OTOGL: variants seen among roughly 807,000 people sequenced by gnomAD.
The protein encoded by OTOGL is otogelin-like protein.
A neutral mutation model predicts 318.5 loss-of-function variants in OTOGL; 285 were observed. The observed-to-expected ratio is 0.89, with a 90% CI of 0.81 to 0.99. The LOEUF (loss-of-function observed/expected upper bound fraction) is 0.99. Ranked by LOEUF, OTOGL falls within the 50% of genes least tolerant of loss-of-function variation. The pLI is 0.00. For synonymous variants in OTOGL, 987 were observed against 936.5 expected (o/e 1.05, Z -0.99); for missense variants, 2,899 against 2,845.6 (o/e 1.02, Z -0.43).
At chr12:80,354,377 C>T (rs1020228185) in intron 46 of OTOGL, among the ~76,000 whole-genome samples, 2 of 152,166 alleles carry the variant, frequency 1.3e-5, no homozygotes, top group Non-Finnish European at 2.9e-5. Flanking sequence ...ATTAAATGAA[C>T]CTCTTTTCTT....
rs1424532676 is a variant in OTOGL at position 80,256,427 on chromosome 12, C to T, written c.1678C>T (p.Leu560Phe). 1.1e-5 allele frequency: 18 copies of T among 1,587,116 alleles called. No individual in the cohort carries two copies. The East Asian group carries it at 4.0e-4, about 36-fold the overall frequency. ...QVTLGRGGQI[L>F]TSPNQGFNLN... Reference sequence around the variant, plus strand: ...GACCCTTGGTAGGGGAGGACAAATTCTCACTAGTCCTAACCAAGGCTTCAA... The same window carrying T: ...GACCCTTGGTAGGGGAGGACAAATTTTCACTAGTCCTAACCAAGGCTTCAA... Residue 560 changes from leucine (L) to phenylalanine (F), a missense_variant, in exon 17 of 59, where the codon CTC becomes TTC. Around this residue, in one of 3 missense-constraint regions of OTOGL, gnomAD observed 2,607 missense variants for 2,524.9 expected, o/e 1.03. Transcript: ENST00000547103.
intron 26 of OTOGL, among the ~76,000 whole-genome samples, chr12:80,280,748 C>T (rs1476895127): frequency 6.6e-6 from 1 of 151,242 alleles, no homozygotes; most frequent in Non-Finnish European, 1.5e-5. Context: ...GTTCTTTCTG[C>T]TTAGGAATGG....
chr12:80,110,066 T>C lies in OTOGL; in HGVS notation c.-20+10461T>C, dbSNP rs1439926004. ...CTACATTAGTTTTTTTTTCTTTCTT[T>C]CTTTTTTTTTTTTTTTTTTTGAGAC... On this transcript the variant is annotated intron_variant, in intron 1 of 58. Transcript: ENST00000547103. Among the ~76,000 whole-genome samples the C allele has an allele frequency of 3.7e-5, 5 of 136,166 alleles. No individual in the cohort carries two copies. The South Asian group carries it at 1.2e-3, about 32-fold the overall frequency. The allele number at this position is 136,166 out of a possible 152,430, so 89.3% of individuals were successfully genotyped here.
chr12:80,120,110 T>C (rs1870400931), intron 1 of OTOGL, among the ~76,000 whole-genome samples: 1 of 152,156 alleles, frequency 6.6e-6, no homozygotes, highest in Admixed American at 6.6e-5. Context: ...CTGGTTATCT[T>C]TGAGCTTGTG....
intron 28 of OTOGL, 44 bp downstream of exon 28, chr12:80,302,827 A>G: frequency 7.3e-7 from 1 of 1,376,848 alleles, no homozygotes; most frequent in Non-Finnish European, 9.5e-7. Flanking sequence ...GAATAAAATC[A>G]CATTTAGTTT....
intron 4 of OTOGL, among the ~76,000 whole-genome samples, chr12:80,212,502 G>A (rs973128493): frequency 6.6e-6 from 1 of 152,056 alleles, no homozygotes; most frequent in African/African-American, 2.4e-5. Flanking sequence ...TTTTGGAGGG[G>A]CAGCGTAGCA....
At chr12:80,254,344 T>G (rs1372771510) in intron 14 of OTOGL, among the ~76,000 whole-genome samples, 180 bp from the exon 15 acceptor site, 1 of 143,100 alleles carries the variant, frequency 7.0e-6, no homozygotes, top group South Asian at 2.4e-4. Flanking sequence ...AGAGATGATT[T>G]TTTTATTATT....
chr12:80,270,066 T>G, intron 22 of OTOGL, 36 bp from the exon 23 acceptor site: 1 of 1,484,756 alleles, frequency 6.7e-7, no homozygotes, highest in Non-Finnish European at 9.2e-7. Context: ...AAACAACAGA[T>G]TTGGTTCCAT....
At chr12:80,310,287 TGAA>T (rs571476722) in intron 29 of OTOGL, among the ~76,000 whole-genome samples, 4 of 152,142 alleles carry the variant, frequency 2.6e-5, no homozygotes, top group Non-Finnish European at 5.9e-5. Flanking sequence ...GTGACAGAAA[TGAA>T]GAAGATGAAG....
At chr12:80,370,820 A>G in intron 56 of OTOGL, 131 bp downstream of exon 56, 1 of 663,878 alleles carries the variant, frequency 1.5e-6, no homozygotes, top group Non-Finnish European at 2.2e-6. Flanking sequence ...ATGAATGAAT[A>G]AAAGCTCTGT....
At position 80,109,939 on chromosome 12, in the gene OTOGL, T is replaced by A. The variant is rs928199473; in HGVS notation, c.-20+10334T>A. ...ACACTCTTATAATACTTAAATTTTT[T>A]AAATTATACCTTAAGTTCTGGGATA... On this transcript the variant is annotated intron_variant, in intron 1 of 58. Transcript: ENST00000547103. 5.3e-5 allele frequency among the ~76,000 whole-genome samples: 8 copies of A among 152,274 alleles called. No individual in the cohort carries two copies. In the East Asian group the frequency reaches 7.7e-4, roughly 15 times the overall value.
intron 1 of OTOGL, among the ~76,000 whole-genome samples, chr12:80,138,864 A>G (rs769661523): frequency 1.3e-5 from 2 of 152,150 alleles, no homozygotes; most frequent in African/African-American, 4.8e-5. Flanking sequence ...GAATAAATGA[A>G]TTGGTGGATG....
chr12:80,267,993 T>C (rs1883126888), intron 22 of OTOGL, among the ~76,000 whole-genome samples: 1 of 151,546 alleles, frequency 6.6e-6, no homozygotes, highest in African/African-American at 2.4e-5. Context: ...AATTTCAAAA[T>C]AGATTTGAAA....
intron 1 of OTOGL, among the ~76,000 whole-genome samples, chr12:80,184,313 A>G (rs1376261158): frequency 6.6e-6 from 1 of 152,208 alleles, no homozygotes; most frequent in African/African-American, 2.4e-5. Flanking sequence ...AGACACTTTT[A>G]GTGTTAACAC....
chr12:80,333,543 C>G lies in OTOGL; in HGVS notation c.4422+465C>G, dbSNP rs141515360. Among the ~76,000 whole-genome samples, 81 of 151,926 alleles carry G rather than the reference C, an allele frequency of 5.3e-4. 2 individuals carry two copies. In the East Asian group the frequency reaches 0.015, roughly 28 times the overall value. On this transcript the variant is annotated intron_variant, in intron 38 of 58. Coordinates refer to ENST00000547103, the MANE Select transcript of OTOGL (RefSeq NM_001378609.3). ...TTGCTCTGATAAACTATTTATTCAA[C>G]CAATATTTATTTAGCACCATTTCTG... is the stretch of plus-strand genomic sequence containing the variant.
chr12:80,118,541 A>G (rs1445218940), intron 1 of OTOGL, among the ~76,000 whole-genome samples: 3 of 152,228 alleles, frequency 2.0e-5, no homozygotes, highest in African/African-American at 7.2e-5. Flanking sequence ...TACAAAATGT[A>G]GTAAACAAGA....
intron 24 of OTOGL, among the ~76,000 whole-genome samples, chr12:80,273,986 C>A (rs377453553): frequency 6.6e-6 from 1 of 151,908 alleles, no homozygotes; most frequent in African/African-American, 2.4e-5. Flanking sequence ...GTGTGTGTTC[C>A]GATTTCTCCA....
intron 52 of OTOGL, among the ~76,000 whole-genome samples, chr12:80,363,519 T>G (rs1890353182): frequency 7.0e-6 from 1 of 142,166 alleles, no homozygotes; most frequent in South Asian, 2.4e-4. Context: ...GTTGAACAAA[T>G]GTGTTGGGGG....
chr12:80,239,341 C>G lies in OTOGL; in HGVS notation c.954C>G (p.Phe318Leu). 1 of 1,605,162 alleles carries G rather than the reference C, an allele frequency of 6.2e-7. No individual in the cohort carries two copies. Residue 318 changes from phenylalanine to leucine, a missense_variant, in exon 11 of 59, where the codon TTC becomes TTG. Phe to Leu is a conservative substitution (Grantham distance 22). Around this residue, in one of 3 missense-constraint regions of OTOGL, gnomAD observed 2,607 missense variants for 2,524.9 expected, o/e 1.03. Coordinates refer to ENST00000547103, the MANE Select transcript of OTOGL (RefSeq NM_001378609.3). ...SSGMPAFEAI[F>L]FKCQILLQFP... ...CATCTTTTTTTGCACAGGCAATCTT[C>G]TTCAAGTGTCAGATACTGTTGCAGT...
Sources: allele counts gnomAD v4.1 joint callset (sites outside exome capture counted in the v4.1 genomes callset), GRCh38; gene constraint gnomAD v4.1.1; regional missense constraint gnomAD v4.1.1; transcripts MANE v1.5; gene names NCBI Gene and HGNC (gene_info 2026-07-23, HGNC 2026-07-21).